The following TRIM40 variants were observed in gnomAD, a reference collection of about 807,000 sequenced individuals.
TRIM40 encodes E3 ubiquitin ligase TRIM40.
Under a neutral mutation model 26.1 loss-of-function variants are expected in TRIM40, and 27 were observed. The observed-to-expected ratio is 1.04, with a 90% CI of 0.76 to 1.43. TRIM40 has a LOEUF of 1.43. TRIM40 is among the 40% of genes most tolerant of loss of function. The pLI is 0.00. For synonymous variants in TRIM40, 114 were observed against 120.0 expected (o/e 0.95, Z 0.33); for missense variants, 289 against 307.9 (o/e 0.94, Z 0.46).
At chr6:30,141,665 G>A (rs1400321210) in intron 2 of TRIM40, among the ~76,000 whole-genome samples, 3 of 152,240 alleles carry the variant, frequency 2.0e-5, no homozygotes, top group African/African-American at 7.2e-5. Flanking sequence ...GGGAACAAGA[G>A]AAGGTGTCTG....
At chr6:30,138,384 T>C (rs1230784216) in intron 2 of TRIM40, among the ~76,000 whole-genome samples, 1 of 152,234 alleles carries the variant, frequency 6.6e-6, no homozygotes, top group Non-Finnish European at 1.5e-5. Context: ...AATCTAACTT[T>C]AGTTTTTCCA....
chr6:30,142,857 T>G (rs1490067557), intron 2 of TRIM40, among the ~76,000 whole-genome samples: 1 of 145,614 alleles, frequency 6.9e-6, no homozygotes, highest in African/African-American at 2.6e-5. Context: ...TGATGGGCTG[T>G]TTTTTTTTTA....
At position 30,137,343 on chromosome 6, in the gene TRIM40, C is replaced by A; in HGVS notation, c.307C>A (p.His103Asn). The A allele has an allele frequency of 6.2e-7, 1 of 1,613,020 alleles. No homozygotes were observed. Among genetic ancestry groups the A allele is most frequent in the Non-Finnish European group, 8.5e-7 (1 of 1,180,000 alleles). The stretch of plus-strand genomic sequence containing the variant: ...GGTGTCCCCTGAACACATGTCTCAT[C>A]ATGAACTGACCATTGAAAATGCCCT... ...CLVSPEHMSHHELTIENALSH... is the reference protein window; with the variant it reads ...CLVSPEHMSHNELTIENALSH... The change falls in exon 2 of 6, where the codon CAT becomes AAT. Residue 103 changes from histidine (H) to asparagine (N), a missense_variant. His to Asn is a moderately conservative substitution (Grantham distance 68, BLOSUM62 1). Coordinates refer to ENST00000396581, the MANE Select transcript of TRIM40 (RefSeq NM_001286633.2).
intron 2 of TRIM40, among the ~76,000 whole-genome samples, chr6:30,143,621 C>T (rs746499428): frequency 4.6e-4 from 70 of 151,960 alleles, no homozygotes; most frequent in Admixed American, 1.0e-3. Context: ...GACAGGTCTT[C>T]GACTATTTTC....
rs755803879 is a variant in TRIM40, at chr6:30,146,056, G to T, written c.408G>T (p.Lys136Asn). 6.2e-7 allele frequency: 1 copy of T among 1,613,014 alleles called. No individual in the cohort carries two copies. Among genetic ancestry groups the T allele is most frequent in the Non-Finnish European group, 8.5e-7 (1 of 1,180,028 alleles). The change falls in exon 3 of 6, where the codon AAG becomes AAT. Residue 136 changes from lysine (K) to asparagine (N), a missense_variant. Coordinates refer to ENST00000396581, the MANE Select transcript of TRIM40 (RefSeq NM_001286633.2). ...RKDIAELQRL[K>N]AQQEKKLQAL... Reference sequence around the variant, plus strand: ...ACATTGCAGAACTTCAGCGGCTCAAGGCTCAGCAGGAGAAGAAACTGCAGG... The same window carrying T: ...ACATTGCAGAACTTCAGCGGCTCAATGCTCAGCAGGAGAAGAAACTGCAGG...
chr6:30,144,752 G>C (rs1017662208), intron 2 of TRIM40, among the ~76,000 whole-genome samples: 3 of 152,166 alleles, frequency 2.0e-5, no homozygotes, highest in Non-Finnish European at 4.4e-5. Flanking sequence ...AGGAGGTGAA[G>C]ACAGCAACAC....
In TRIM40 at chr6:30,136,815, T is replaced by G. The variant is rs893537922; in HGVS notation, c.-222T>G. On this transcript the variant is annotated 5_prime_UTR_variant, in exon 2 of 6. Transcript: ENST00000396581. Reference sequence around the variant, plus strand: ...AAAGCTGATGAGCTATTTCTGAAACTCGTGCAGAATTGTGGTTTGTGTGGT... The same window carrying G: ...AAAGCTGATGAGCTATTTCTGAAACGCGTGCAGAATTGTGGTTTGTGTGGT... 1.4e-5 allele frequency: 8 copies of G among 561,550 alleles called. No individual in the cohort carries two copies. The African/African-American group carries it at 1.5e-4, about 11-fold the overall frequency. The allele number at this position is 561,550 out of a possible 1,614,324, so 34.8% of individuals were successfully genotyped here.
rs140205906 is a variant in TRIM40, at chr6:30,141,351, G to C, written c.345+3970G>C. Among the ~76,000 whole-genome samples, 1,319 of 152,146 alleles carry C rather than the reference G, an allele frequency of 8.7e-3. 8 individuals carry two copies. The highest frequency in any genetic ancestry group is 0.027 in the Middle Eastern group (8 of 294). On this transcript the variant is annotated intron_variant, in intron 2 of 5. Transcript: ENST00000396581. ...CTCAAACAAAGAAACAAACAACCAA[G>C]AAACCAAGGAAACTGATGTAATTGC...
At chr6:30,139,959 C>A (rs1176279160) in intron 2 of TRIM40, among the ~76,000 whole-genome samples, 1 of 152,152 alleles carries the variant, frequency 6.6e-6, no homozygotes, top group African/African-American at 2.4e-5. Context: ...AACCAACAGA[C>A]ATATGAAAAA....
chr6:30,145,018 G>A (rs2844789), intron 2 of TRIM40, among the ~76,000 whole-genome samples: 9,343 of 152,094 alleles, frequency 0.061, 472 homozygotes, highest in Non-Finnish European at 0.1. Context: ...TAACTTTGTG[G>A]TGACATCACT....
Position 30,147,780 on chromosome 6 carries a change from G to A in TRIM40, c.745G>A (p.Glu249Lys), listed in dbSNP as rs1338996390. The change falls in exon 6 of 6, where the codon GAA becomes AAA. Residue 249 changes from glutamate to lysine, a missense_variant. Physicochemically the swap from Glu to Lys is moderately conservative, Grantham distance 56. Coordinates refer to ENST00000396581, the MANE Select transcript of TRIM40 (RefSeq NM_001286633.2). ...IYPQLEKGVS[E>K]LLLQPPQKL is the part of the protein sequence containing the mutation. ...TCCCCAGTTGGAGAAAGGAGTCAGTGAATTGCTTCTTCAGCCCCCTCAGAA... is the reference window on the plus strand; with the variant it reads ...TCCCCAGTTGGAGAAAGGAGTCAGTAAATTGCTTCTTCAGCCCCCTCAGAA... 1 of 1,614,214 alleles carries A rather than the reference G, an allele frequency of 6.2e-7. No homozygotes were observed. Among genetic ancestry groups the A allele is most frequent in the Non-Finnish European group, 8.5e-7 (1 of 1,180,038 alleles).
At chr6:30,140,448 T>C (rs1581532525) in intron 2 of TRIM40, among the ~76,000 whole-genome samples, 1 of 152,154 alleles carries the variant, frequency 6.6e-6, no homozygotes, top group Non-Finnish European at 1.5e-5. Flanking sequence ...GAAACCATCA[T>C]TCTCAGCAAA....
chr6:30,145,386 C>T (rs1478019258), intron 2 of TRIM40, among the ~76,000 whole-genome samples: 1 of 152,198 alleles, frequency 6.6e-6, no homozygotes, highest in Non-Finnish European at 1.5e-5. Context: ...TTTTGCTTCT[C>T]TTATAGGTCA....
intron 2 of TRIM40, 60 bp downstream of exon 2, chr6:30,137,441 C>A: frequency 7.1e-7 from 1 of 1,407,260 alleles, no homozygotes; most frequent in Non-Finnish European, 9.9e-7. Flanking sequence ...CTGCATCCTA[C>A]ATGTTCATCA....
chr6:30,140,501 G>A (rs1028704164), intron 2 of TRIM40, among the ~76,000 whole-genome samples: 22 of 151,976 alleles, frequency 1.4e-4, no homozygotes, highest in South Asian at 2.1e-4. Context: ...GTTCTCACTC[G>A]TAAGTGAGAG....
chr6:30,138,072 C>A (rs917854710), intron 2 of TRIM40, among the ~76,000 whole-genome samples: 121 of 98,482 alleles, frequency 1.2e-3, no homozygotes, highest in African/African-American at 3.6e-3. Context: ...CTCTTACACA[C>A]ACACACACAC....
In TRIM40 at chr6:30,140,574, A is replaced by T. The variant is rs564719201; in HGVS notation, c.345+3193A>T. On this transcript the variant is annotated intron_variant, in intron 2 of 5. Transcript: ENST00000396581. ...ATCACACACCAGGGCCTGTGAGGGG[A>T]TGGGGGGTAGGGGAGGGATAGCATT... Among the ~76,000 whole-genome samples the T allele has an allele frequency of 2.6e-5, 4 of 151,754 alleles. No homozygotes were observed. The East Asian group carries it at 7.8e-4, about 30-fold the overall frequency.
rs1399802640 is a variant in TRIM40 at position 30,137,374 on chromosome 6, A to G, written c.338A>G (p.His113Arg). 2 of 1,611,414 alleles carry G rather than the reference A, an allele frequency of 1.2e-6. No individual in the cohort carries two copies. Among genetic ancestry groups the G allele is most frequent in the African/African-American group, 1.3e-5 (1 of 74,912 alleles). Residue 113 changes from histidine (H) to arginine (R), a missense_variant, in exon 2 of 6, where the codon CAC becomes CGC. His to Arg is a conservative substitution (Grantham distance 29). Coordinates refer to ENST00000396581, the MANE Select transcript of TRIM40 (RefSeq NM_001286633.2). ...HELTIENALS[H>R]YKERLNRRSR... ...CTGACCATTGAAAATGCCCTCAGCC[A>G]CTACAAGGTAAGCCTGGGTCACCGC...
intron 2 of TRIM40, among the ~76,000 whole-genome samples, chr6:30,140,823 A>G (rs1328461431): frequency 6.6e-6 from 1 of 152,200 alleles, no homozygotes; most frequent in Non-Finnish European, 1.5e-5. Flanking sequence ...AACTTGGTAG[A>G]ACAGGTTTGA....
Sources: allele counts gnomAD v4.1 joint callset (sites outside exome capture counted in the v4.1 genomes callset), GRCh38; gene constraint gnomAD v4.1.1; transcripts MANE v1.5; gene names NCBI Gene and HGNC (gene_info 2026-07-23, HGNC 2026-07-21).